CELF6: variants seen among roughly 807,000 people sequenced by gnomAD.
CELF6 encodes the protein Bruno -like 6, RNA binding protein.
CELF6 carries 32 observed loss-of-function variants against 53.1 expected under a neutral mutation model. The ratio of observed to expected loss-of-function variants is 0.60; its 90% CI spans 0.46 to 0.81. CELF6 has a LOEUF of 0.81. Among genes scored for constraint, CELF6 ranks in the 30% least tolerant of loss-of-function variants. CELF6 has a pLI of 0.00. For missense variants in CELF6, 539 were observed against 669.5 expected (o/e 0.81, Z 2.15); for synonymous variants, 291 against 288.8 (o/e 1.01, Z -0.08).
Position 72,319,911 on chromosome 15 carries a change from G to A in CELF6, c.-37C>T. 5 of 1,416,856 alleles carry A rather than the reference G, an allele frequency of 3.5e-6. No homozygotes were observed. Among genetic ancestry groups the A allele is most frequent in the Non-Finnish European group, 4.6e-6 (5 of 1,093,220 alleles). 87.8% of individuals were successfully genotyped at this position (1,416,856 alleles called of 1,614,324 possible). A position where few individuals can be genotyped will look rare whatever the true frequency, so the allele number is the denominator to read the frequency against. ...GTCAGCCCTCCCGCCGGTCCCACTG[G>A]TCCCGCCTGTCCCGCCGTCCCCTCC... is the stretch of plus-strand genomic sequence containing the variant. On this transcript the variant is annotated 5_prime_UTR_variant, in exon 1 of 13. Transcript: ENST00000287202. The surrounding 1 kb of genome is among the most constrained non-coding windows in gnomAD (Gnocchi z 5.0).
intron 3 of CELF6, among the ~76,000 whole-genome samples, chr15:72,291,857 A>AG (rs993393534): frequency 9.9e-5 from 15 of 152,112 alleles, no homozygotes; most frequent in Middle Eastern, 6.8e-3. Flanking sequence ...ATCCTTGGAG[A>AG]GGGGATGGAT....
chr15:72,305,993 A>C, intron 2 of CELF6: 1 of 704,974 alleles, frequency 1.4e-6, no homozygotes, highest in Non-Finnish European at 1.7e-6. Flanking sequence ...GAGGAAGTGT[A>C]GATAAAAATC....
chr15:72,319,568 T>A lies in CELF6; in HGVS notation c.262+45A>T, dbSNP rs2088401561. On this transcript the variant is annotated intron_variant, in intron 1 of 12. Coordinates refer to ENST00000287202, the MANE Select transcript of CELF6 (RefSeq NM_052840.5). This position sits in a 1 kb window ranked among gnomAD's most constrained non-coding sequence, Gnocchi z 5.0. ...GGGCTGGGCTGGGGTCGGGCCACAC[T>A]CTAATCGGATTGGGGCTGGGCTGGG... 1 of 1,498,210 alleles carries A rather than the reference T, an allele frequency of 6.7e-7. No individual in the cohort carries two copies. The highest frequency in any genetic ancestry group is 1.4e-5 in the African/African-American group (1 of 71,926). The allele number at this position is 1,498,210 out of a possible 1,614,324, so 92.8% of individuals were successfully genotyped here.
chr15:72,316,922 G>C (rs2088370971), intron 1 of CELF6, among the ~76,000 whole-genome samples: 1 of 152,224 alleles, frequency 6.6e-6, no homozygotes, highest in Non-Finnish European at 1.5e-5. Flanking sequence ...AAAGGGTTGA[G>C]TAATGTCTCA....
At position 72,317,668 on chromosome 15, in the gene CELF6, CAATCATCTTGG is replaced by C. The variant is rs59644699; in HGVS notation, c.263-1752_263-1742del. Reference sequence around the variant, plus strand: ...AAGATGTTGACTTGGAGACCCTCTACAATCATCTTGGAAGGCAACACTTGCCTTGGAGAGTT... The same window carrying C: ...AAGATGTTGACTTGGAGACCCTCTACAAGGCAACACTTGCCTTGGAGAGTT... On this transcript the variant is annotated intron_variant, in intron 1 of 12. Coordinates refer to ENST00000287202, the MANE Select transcript of CELF6 (RefSeq NM_052840.5). Among the ~76,000 whole-genome samples, 132 of 152,274 alleles carry C rather than the reference CAATCATCTTGG, an allele frequency of 8.7e-4. 2 individuals are homozygous for C. The East Asian group carries it at 0.025, about 28-fold the overall frequency.
chr15:72,284,896 C>T lies in CELF6; in HGVS notation c.*1475G>A, dbSNP rs1470786522. The stretch of plus-strand genomic sequence containing the variant: ...GCTGGGGCCTCAGACCAAGCTGATC[C>T]ATGCCTGTGGGGTGGAGGGGAAATC... On this transcript the variant is annotated 3_prime_UTR_variant, in exon 13 of 13. Coordinates refer to ENST00000287202, the MANE Select transcript of CELF6 (RefSeq NM_052840.5). 6.6e-6 allele frequency: 1 copy of T among 152,628 alleles called. No homozygotes were observed. The highest frequency in any genetic ancestry group is 1.5e-5 in the Non-Finnish European group (1 of 68,074). 9.5% of individuals were successfully genotyped at this position (152,628 alleles called of 1,614,324 possible).
intron 2 of CELF6, among the ~76,000 whole-genome samples, chr15:72,308,192 A>G (rs2140302968): frequency 6.6e-6 from 1 of 152,232 alleles, no homozygotes; most frequent in South Asian, 2.1e-4. Context: ...GCTAGATCTT[A>G]GTAGATACCT....
At chr15:72,313,954 A>G (rs2088330949) in intron 2 of CELF6, among the ~76,000 whole-genome samples, 1 of 152,208 alleles carries the variant, frequency 6.6e-6, no homozygotes, top group African/African-American at 2.4e-5. Context: ...TATGAGTTTA[A>G]CTTTACAGGT....
Position 72,288,930 on chromosome 15 carries a change from G to T in CELF6, c.1031C>A (p.Ala344Asp), listed in dbSNP as rs201772134. The change falls in exon 9 of 13, where the codon GCC becomes GAC. Residue 344 changes from alanine (A) to aspartate (D), a missense_variant and splice_region_variant. By Grantham distance (126) the Ala-to-Asp change is moderately radical. This residue lies in a region of CELF6 where 358 missense variants were observed against 412.8 expected (regional missense o/e 0.87). Transcript: ENST00000287202. The surrounding 1 kb of genome is among the most constrained non-coding windows in gnomAD (Gnocchi z 4.6). ...LYNNGLSPYP[A>D]QSPGVADPLQ... ...GGGGTCAGCCACGCCGGGGCTCTGG[G>T]CTGGGGAGAGAGGGGCGCGAGGCCC... 1.1e-4 allele frequency: 171 copies of T among 1,550,258 alleles called. No individual in the cohort carries two copies. Among genetic ancestry groups the T allele is most frequent in the Non-Finnish European group, 1.5e-4 (170 of 1,146,712 alleles).
chr15:72,306,347 C>A, intron 2 of CELF6: 2 of 963,274 alleles, frequency 2.1e-6, no homozygotes, highest in Non-Finnish European at 2.5e-6. Context: ...GATGATCTGA[C>A]CCCCTCCCCT....
intron 3 of CELF6, among the ~76,000 whole-genome samples, chr15:72,298,024 T>C (rs1199819734): frequency 6.6e-6 from 1 of 152,212 alleles, no homozygotes; most frequent in Admixed American, 6.5e-5. Context: ...GAAAATACTT[T>C]TTAGAATTAA....
chr15:72,300,124 G>A (rs372783328), intron 3 of CELF6, among the ~76,000 whole-genome samples: 2 of 152,184 alleles, frequency 1.3e-5, no homozygotes, highest in Non-Finnish European at 2.9e-5. Context: ...GGAAGGCAAC[G>A]TGGGAGGATC....
chr15:72,289,071 G>A lies in CELF6; in HGVS notation c.1030+67C>T, dbSNP rs1595774146. The A allele has an allele frequency of 5.2e-6, 7 of 1,350,724 alleles. No homozygotes were observed. Among genetic ancestry groups the A allele is most frequent in the Non-Finnish European group, 7.0e-6 (7 of 1,002,460 alleles). 83.7% of individuals were successfully genotyped at this position (1,350,724 alleles called of 1,614,324 possible). On this transcript the variant is annotated intron_variant, in intron 8 of 12. Coordinates refer to ENST00000287202, the MANE Select transcript of CELF6 (RefSeq NM_052840.5). The surrounding 1 kb of genome is among the most constrained non-coding windows in gnomAD (Gnocchi z 7.6). ...GGGGATCTCTTCCCAGGGAAGCCAGGCCCTAACCCCCCACCCCCCGCTCCC... is the reference window on the plus strand; with the variant it reads ...GGGGATCTCTTCCCAGGGAAGCCAGACCCTAACCCCCCACCCCCCGCTCCC...
chr15:72,300,180 C>T (rs887612389), intron 3 of CELF6, among the ~76,000 whole-genome samples: 34 of 152,086 alleles, frequency 2.2e-4, no homozygotes, highest in Non-Finnish European at 4.6e-4. Context: ...CAAAGTGAGA[C>T]TCTGTCCCTA....
intron 2 of CELF6, among the ~76,000 whole-genome samples, chr15:72,310,541 G>A (rs1441838064): frequency 5.3e-5 from 6 of 112,240 alleles, no homozygotes; most frequent in Non-Finnish European, 1.8e-5. Context: ...CATAGCCAGA[G>A]TAATCTTTTT....
chr15:72,289,028 G>C lies in CELF6; in HGVS notation c.1031-98C>G. 7 of 1,294,914 alleles carry C rather than the reference G, an allele frequency of 5.4e-6. No individual in the cohort carries two copies. The highest frequency in any genetic ancestry group is 7.5e-6 in the Non-Finnish European group (7 of 936,366). The allele number at this position is 1,294,914 out of a possible 1,614,324, so 80.2% of individuals were successfully genotyped here. On this transcript the variant is annotated intron_variant, in intron 8 of 12. Coordinates refer to ENST00000287202, the MANE Select transcript of CELF6 (RefSeq NM_052840.5). This position sits in a 1 kb window ranked among gnomAD's most constrained non-coding sequence, Gnocchi z 7.6. The stretch of plus-strand genomic sequence containing the variant: ...TGTGGGAGGTGGACGGCGGCTGTGA[G>C]AGACAGCAGGGAAGGAGGGGGATCT...
chr15:72,289,134 C>A lies in CELF6; in HGVS notation c.1030+4G>T, dbSNP rs1197200817. 3.3e-6 allele frequency: 5 copies of A among 1,522,634 alleles called. No individual in the cohort carries two copies. The African/African-American group carries it at 7.0e-5, about 21-fold the overall frequency. 94.3% of individuals were successfully genotyped at this position (1,522,634 alleles called of 1,614,324 possible). ...GGGGGATTTGGGCGGAGCGGGGGGCCCACCTGGATAAGGGGAGAGCCCGTT... is the reference window on the plus strand; with the variant it reads ...GGGGGATTTGGGCGGAGCGGGGGGCACACCTGGATAAGGGGAGAGCCCGTT... On this transcript the variant is annotated splice_donor_region_variant and intron_variant, in intron 8 of 12. Coordinates refer to ENST00000287202, the MANE Select transcript of CELF6 (RefSeq NM_052840.5). The surrounding 1 kb of genome is among the most constrained non-coding windows in gnomAD (Gnocchi z 7.6).
intron 3 of CELF6, chr15:72,292,080 G>A: frequency 1.5e-6 from 1 of 648,308 alleles, no homozygotes; most frequent in Non-Finnish European, 2.6e-6. Context: ...CAAAATGTAA[G>A]AGAAAAATAG....
At chr15:72,296,245 AATGT>A (rs1444480518) in intron 3 of CELF6, among the ~76,000 whole-genome samples, 1 of 152,196 alleles carries the variant, frequency 6.6e-6, no homozygotes. Flanking sequence ...ATGAGTCCTA[AATGT>A]AAGAGCTAAA....
Sources: allele counts gnomAD v4.1 joint callset (sites outside exome capture counted in the v4.1 genomes callset), GRCh38; gene constraint gnomAD v4.1.1; regional missense constraint gnomAD v4.1.1; non-coding constraint Gnocchi (gnomAD v3.1); transcripts MANE v1.5; gene names NCBI Gene and HGNC (gene_info 2026-07-23, HGNC 2026-07-21).